Variants in TMEM184B observed in about 807,000 individuals in gnomAD.
The protein encoded by TMEM184B is putative MAPK-activating protein FM08.
A neutral mutation model predicts 41.8 loss-of-function variants in TMEM184B; 17 were observed. That is an observed-to-expected ratio of 0.41 (90% CI 0.28 to 0.61). The LOEUF is 0.61. Ranked by LOEUF, TMEM184B falls within the 20% of genes least tolerant of loss-of-function variation. TMEM184B has a pLI of 0.34. For missense variants in TMEM184B, 393 were observed against 557.8 expected (o/e 0.70, Z 2.98); for synonymous variants, 240 against 229.5 (o/e 1.05, Z -0.41).
chr22:38,256,534 T>A (rs540453720), intron 1 of TMEM184B, among the ~76,000 whole-genome samples: 1 of 152,222 alleles, frequency 6.6e-6, no homozygotes, highest in East Asian at 1.9e-4. Context: ...CGGCCAACAA[T>A]CCTTATTGAT....
intron 1 of TMEM184B, among the ~76,000 whole-genome samples, chr22:38,250,750 G>C (rs970378140): frequency 6.6e-6 from 1 of 152,192 alleles, no homozygotes; most frequent in African/African-American, 2.4e-5. Context: ...GAAACCCCCA[G>C]CTTGGACTCC....
In TMEM184B at chr22:38,226,885, AGGAGGTTGAGTGT is replaced by A; in HGVS notation, c.526-28_526-16del. On this transcript the variant is annotated splice_polypyrimidine_tract_variant and intron_variant, in intron 5 of 8. Coordinates refer to ENST00000361906, the MANE Select transcript of TMEM184B (RefSeq NM_012264.5). This position sits in a 1 kb window ranked among gnomAD's most constrained non-coding sequence, Gnocchi z 4.6. ...TGCAGGGTGGCCTGTTGGGGGGAAAAGGAGGTTGAGTGTGGAGGAGGAGCACAGAAGGCATGAA... is the reference window on the plus strand; with the variant it reads ...TGCAGGGTGGCCTGTTGGGGGGAAAAGGAGGAGGAGCACAGAAGGCATGAA... 1.9e-6 allele frequency: 3 copies of A among 1,571,752 alleles called. No homozygotes were observed. The highest frequency in any genetic ancestry group is 2.6e-6 in the Non-Finnish European group (3 of 1,159,090).
chr22:38,249,546 C>T (rs1397878096), intron 1 of TMEM184B, among the ~76,000 whole-genome samples: 1 of 152,144 alleles, frequency 6.6e-6, no homozygotes, highest in Non-Finnish European at 1.5e-5. Context: ...GAGATTAGTG[C>T]CCTCATAAAA....
At chr22:38,219,278 T>C, downstream of TMEM184B, 1 of 985,570 alleles carries the variant, frequency 1.0e-6, no homozygotes, top group Non-Finnish European at 1.2e-6. Flanking sequence ...AGGAAAAACC[T>C]CACCCACAGG....
At position 38,219,944 on chromosome 22, in the gene TMEM184B, A is replaced by C; in HGVS notation, c.*1525T>G. ...GAGGCCAGGAAGACGGCTGGGCCCC[A>C]ACTCTCCTCACAGGTGGCAGGGAGG... is the stretch of plus-strand genomic sequence containing the variant. On this transcript the variant is annotated 3_prime_UTR_variant, in exon 9 of 9. Coordinates refer to ENST00000361906, the MANE Select transcript of TMEM184B (RefSeq NM_012264.5). The C allele has an allele frequency of 1.0e-6, 1 of 985,368 alleles. No homozygotes were observed. The highest frequency in any genetic ancestry group is 1.2e-6 in the Non-Finnish European group (1 of 829,932). 61.0% of individuals were successfully genotyped at this position (985,368 alleles called of 1,614,324 possible).
At chr22:38,255,064 C>T (rs1012233816) in intron 1 of TMEM184B, among the ~76,000 whole-genome samples, 2 of 151,888 alleles carry the variant, frequency 1.3e-5, no homozygotes, top group Non-Finnish European at 1.5e-5. Context: ...CACTCTGTCG[C>T]CCCAGGCTGG....
At chr22:38,217,242 TG>T (rs1235275436), downstream of TMEM184B, among the ~76,000 whole-genome samples, 1 of 150,664 alleles carries the variant, frequency 6.6e-6, no homozygotes, top group African/African-American at 2.5e-5. Context: ...CCCAGCACTT[TG>T]GGAGGCTGAG....
chr22:38,247,641 G>C, intron 2 of TMEM184B, 129 bp downstream of exon 2: 1 of 1,177,916 alleles, frequency 8.5e-7, no homozygotes, highest in Non-Finnish European at 1.2e-6. Context: ...TCTATCGAGG[G>C]AAGCCTCTGA....
chr22:38,255,069 G>A (rs2145734687), intron 1 of TMEM184B, among the ~76,000 whole-genome samples: 1 of 151,842 alleles, frequency 6.6e-6, no homozygotes, highest in African/African-American at 2.4e-5. Context: ...TGTCGCCCCA[G>A]GCTGGAGGGG....
rs5756997 is a variant in TMEM184B, at chr22:38,258,806, C to T, written c.-58-10787G>A. Among the ~76,000 whole-genome samples, 12 of 152,272 alleles carry T rather than the reference C, an allele frequency of 7.9e-5. No individual in the cohort carries two copies. In the East Asian group the frequency reaches 2.3e-3, roughly 29 times the overall value. ...GCAGCAGAAATTAGTCTGCTGCAGA[C>T]TTAGAAGAACCTTTGGGATTTCTGA... On this transcript the variant is annotated intron_variant, in intron 1 of 8. Transcript: ENST00000361906.
chr22:38,231,444 C>T, intron 3 of TMEM184B, 110 bp from the exon 4 acceptor site: 1 of 900,418 alleles, frequency 1.1e-6, no homozygotes, highest in Non-Finnish European at 1.9e-6. Context: ...TGTGTGGCAA[C>T]AGGGAGGAGG....
rs897468105 is a variant in TMEM184B at position 38,220,007 on chromosome 22, C to T, written c.*1462G>A. 5 of 985,348 alleles carry T rather than the reference C, an allele frequency of 5.1e-6. No homozygotes were observed. Among genetic ancestry groups the T allele is most frequent in the Middle Eastern group, 5.2e-4 (1 of 1,936 alleles). The allele number at this position is 985,348 out of a possible 1,614,324, so 61.0% of individuals were successfully genotyped here. A position where few individuals can be genotyped will look rare whatever the true frequency, so the allele number is the denominator to read the frequency against. On this transcript the variant is annotated 3_prime_UTR_variant, in exon 9 of 9. Transcript: ENST00000361906. Reference sequence around the variant, plus strand: ...TCCAGGAAGGACCAAAAGAAAGAATCCCCAGTGAACACCGGCAGGGTCCCT... The same window carrying T: ...TCCAGGAAGGACCAAAAGAAAGAATTCCCAGTGAACACCGGCAGGGTCCCT...
rs141745624 is a variant in TMEM184B at position 38,263,978 on chromosome 22, T to C, written c.-59+8906A>G. ...TGTCACCACGCTGGGCTAATTTTTG[T>C]ATTTTTAGTAGAGATGAGGTTTCAC... On this transcript the variant is annotated intron_variant, in intron 1 of 8. Coordinates refer to ENST00000361906, the MANE Select transcript of TMEM184B (RefSeq NM_012264.5). Among the ~76,000 whole-genome samples the C allele has an allele frequency of 6.9e-3, 1,058 of 152,274 alleles. 4 individuals carry two copies. Among genetic ancestry groups the C allele is most frequent in the South Asian group, 0.03 (144 of 4,824 alleles).
intron 1 of TMEM184B, among the ~76,000 whole-genome samples, chr22:38,269,027 T>A (rs370136602): frequency 5.2e-4 from 79 of 152,384 alleles, no homozygotes; most frequent in African/African-American, 1.9e-3. Flanking sequence ...ACTCCCATCT[T>A]ACAGATGAAG....
intron 1 of TMEM184B, among the ~76,000 whole-genome samples, chr22:38,270,625 G>T (rs372389253): frequency 1.2e-3 from 190 of 152,270 alleles, no homozygotes; most frequent in Non-Finnish European, 2.1e-3. Flanking sequence ...ACCCGGGGCT[G>T]CAGGGCCTGG....
intron 8 of TMEM184B, chr22:38,224,167 G>C (rs547969666): frequency 3.9e-5 from 6 of 152,186 alleles, no homozygotes; most frequent in Admixed American, 3.9e-4. Context: ...CCAGGCTGGA[G>C]TGCAATGGCA....
Position 38,219,651 on chromosome 22 carries a change from C to T in TMEM184B, c.*1818G>A, listed in dbSNP as rs539315288. ...TGATTCCCTGCCACTGAGCTCCCCC[C>T]ACCCTCCACGCAAACAGCAACGCTG... On this transcript the variant is annotated 3_prime_UTR_variant, in exon 9 of 9. Transcript: ENST00000361906. 8.9e-5 allele frequency: 88 copies of T among 985,544 alleles called. No individual in the cohort carries two copies. The highest frequency in any genetic ancestry group is 5.2e-4 in the Middle Eastern group (1 of 1,914). The allele number at this position is 985,544 out of a possible 1,614,324, so 61.0% of individuals were successfully genotyped here. A position where few individuals can be genotyped will look rare whatever the true frequency, so the allele number is the denominator to read the frequency against.
chr22:38,249,218 C>T (rs113979330), intron 1 of TMEM184B, among the ~76,000 whole-genome samples: 2,550 of 152,284 alleles, frequency 0.017, 62 homozygotes, highest in African/African-American at 0.056. Flanking sequence ...GGTGCAATCT[C>T]GGCTCCCTGC....
Position 38,250,411 on chromosome 22 carries a change from G to T in TMEM184B, c.-58-2392C>A, listed in dbSNP as rs142128322. ...AAATCGAGACTAAAACTCAAAACTG[G>T]AGAAGGCGTCTATATAAAGAAATTC... On this transcript the variant is annotated intron_variant, in intron 1 of 8. Coordinates refer to ENST00000361906, the MANE Select transcript of TMEM184B (RefSeq NM_012264.5). Among the ~76,000 whole-genome samples, 659 of 152,314 alleles carry T rather than the reference G, an allele frequency of 4.3e-3. 5 individuals carry two copies. The highest frequency in any genetic ancestry group is 0.015 in the African/African-American group (613 of 41,568).
Sources: allele counts gnomAD v4.1 joint callset (sites outside exome capture counted in the v4.1 genomes callset), GRCh38; gene constraint gnomAD v4.1.1; non-coding constraint Gnocchi (gnomAD v3.1); transcripts MANE v1.5; gene names NCBI Gene and HGNC (gene_info 2026-07-23, HGNC 2026-07-21).